SULF1: variants seen among roughly 807,000 people sequenced by gnomAD.
SULF1 encodes sulfatase 1.
Under a neutral mutation model 110.5 loss-of-function variants are expected in SULF1, and 46 were observed. The ratio of observed to expected loss-of-function variants is 0.42; its 90% confidence interval spans 0.33 to 0.53. SULF1 has a LOEUF of 0.53. SULF1 is among the 20% of genes least tolerant of loss of function. The probability of loss-of-function intolerance (pLI) is 0.12; values close to 1 mark genes in which losing one functional copy is unlikely to be tolerated. For missense variants in SULF1, 941 were observed against 1,094.2 expected (o/e 0.86, Z 1.98); for synonymous variants, 371 against 387.1 (o/e 0.96, Z 0.49).
At chr8:69,568,292 C>A (rs573887672) in intron 5 of SULF1, among the ~76,000 whole-genome samples, 1 of 152,240 alleles carries the variant, frequency 6.6e-6, no homozygotes, top group Admixed American at 6.5e-5. Context: ...TAAAACAATC[C>A]TATCTGTTTA....
intron 3 of SULF1, among the ~76,000 whole-genome samples, chr8:69,533,965 G>A (rs568746648): frequency 2.0e-5 from 3 of 152,298 alleles, no homozygotes; most frequent in African/African-American, 7.2e-5. Context: ...AATGTTCAGT[G>A]CTAAAGTCAA....
At chr8:69,491,505 G>A (rs886918804), upstream of SULF1, among the ~76,000 whole-genome samples, 3 of 152,206 alleles carry the variant, frequency 2.0e-5, no homozygotes, top group Non-Finnish European at 2.9e-5. Context: ...AACAACAGAT[G>A]CCAACATTCT....
At chr8:69,486,651 G>A (rs1469028328) in intron 1 of SULF1, among the ~76,000 whole-genome samples, 1 of 152,156 alleles carries the variant, frequency 6.6e-6, no homozygotes, top group Non-Finnish European at 1.5e-5. Flanking sequence ...GCAACACCGT[G>A]CCTATTAAGA....
chr8:69,483,099 T>C (rs751317729), intron 1 of SULF1, among the ~76,000 whole-genome samples: 1 of 151,844 alleles, frequency 6.6e-6, no homozygotes, highest in African/African-American at 2.4e-5. Context: ...GCAAATATTA[T>C]GTCATCATAT....
At chr8:69,481,253 A>T (rs1336683220) in intron 1 of SULF1, among the ~76,000 whole-genome samples, 1 of 152,146 alleles carries the variant, frequency 6.6e-6, no homozygotes, top group Admixed American at 6.5e-5. Context: ...TTAGATTTAT[A>T]AAAATATCAG....
intron 5 of SULF1, among the ~76,000 whole-genome samples, chr8:69,565,386 TTTAGAGCC>T (rs1815804344): frequency 1.3e-5 from 2 of 152,182 alleles, no homozygotes; most frequent in African/African-American, 4.8e-5. Context: ...TTTTAGCTTT[TTTAGAGCC>T]TTGTGGGTCC....
rs189672278 is a variant in SULF1, at chr8:69,659,340, C to T, written c.*805C>T. The T allele has an allele frequency of 1.5e-4, 54 of 368,298 alleles. No homozygotes were observed. The highest frequency in any genetic ancestry group is 1.1e-3 in the East Asian group (15 of 13,660). 22.8% of individuals were successfully genotyped at this position (368,298 alleles called of 1,614,324 possible). ...CTGATTAGATGAAACTGTTACCTTA[C>T]CCTAAACACAGTATTTCTTTTTAAC... On this transcript the variant is annotated 3_prime_UTR_variant, in exon 23 of 23. Coordinates refer to ENST00000402687, the MANE Select transcript of SULF1 (RefSeq NM_001128205.2).
chr8:69,651,855 G>T (rs1812368271), intron 22 of SULF1, among the ~76,000 whole-genome samples: 1 of 151,970 alleles, frequency 6.6e-6, no homozygotes, highest in South Asian at 2.1e-4. Context: ...AGATATATTA[G>T]TTTCTTATTA....
At chr8:69,551,850 G>C (rs945773966) in intron 3 of SULF1, among the ~76,000 whole-genome samples, 4 of 152,176 alleles carry the variant, frequency 2.6e-5, no homozygotes, top group Non-Finnish European at 4.4e-5. Flanking sequence ...CCAGCACTTT[G>C]AGAGGCCAAG....
chr8:69,604,573 T>G (rs1179651902), intron 12 of SULF1, among the ~76,000 whole-genome samples: 1 of 152,214 alleles, frequency 6.6e-6, no homozygotes, highest in Non-Finnish European at 1.5e-5. Context: ...TTAATGCTTT[T>G]GGGAAGAACG....
chr8:69,604,854 T>C lies in SULF1; in HGVS notation c.1299T>C (p.Asn433=). The C allele has an allele frequency of 6.2e-7, 1 of 1,614,120 alleles. No individual in the cohort carries two copies. The highest frequency in any genetic ancestry group is 8.5e-7 in the Non-Finnish European group (1 of 1,180,012). ...EESSKNIQQS[N]HLPKYERVKE... is the part of the protein sequence containing the mutation. ...CCAGCAAGAATATCCAACAGTCAAA[T>C]CACTTGCCCAAATATGAACGGGTCA... Residue 433 remains asparagine, a synonymous_variant, in exon 13 of 23, where the codon AAT becomes AAC. Coordinates refer to ENST00000402687, the MANE Select transcript of SULF1 (RefSeq NM_001128205.2).
At chr8:69,631,865 G>A (rs138940028) in intron 19 of SULF1, among the ~76,000 whole-genome samples, 43 of 152,322 alleles carry the variant, frequency 2.8e-4, no homozygotes, top group Admixed American at 7.2e-4. Flanking sequence ...CATTTGATAC[G>A]CTCTATCAGC....
At chr8:69,557,720 G>A (rs563290690) in intron 3 of SULF1, among the ~76,000 whole-genome samples, 1 of 152,282 alleles carries the variant, frequency 6.6e-6, no homozygotes, top group African/African-American at 2.4e-5. Context: ...CCATACACCA[G>A]GGATAACCAG....
At chr8:69,517,967 T>G (rs907152653) in intron 3 of SULF1, among the ~76,000 whole-genome samples, 1 of 152,244 alleles carries the variant, frequency 6.6e-6, no homozygotes, top group Non-Finnish European at 1.5e-5. Flanking sequence ...CATAGGCATA[T>G]GGTTTGTATA....
chr8:69,515,187 T>TGCAG (rs1811845349), intron 3 of SULF1, among the ~76,000 whole-genome samples: 1 of 152,178 alleles, frequency 6.6e-6, no homozygotes, highest in East Asian at 1.9e-4. Flanking sequence ...GCTCCACTCC[T>TGCAG]GCAGCAGACT....
chr8:69,497,779 T>A (rs1810470785), intron 2 of SULF1, among the ~76,000 whole-genome samples: 1 of 152,118 alleles, frequency 6.6e-6, no homozygotes, highest in Non-Finnish European at 1.5e-5. Flanking sequence ...GAGAGTTAAG[T>A]TCAATCATCT....
intron 21 of SULF1, among the ~76,000 whole-genome samples, chr8:69,639,199 T>C (rs777295249): frequency 1.2e-4 from 18 of 152,226 alleles, no homozygotes; most frequent in Admixed American, 2.6e-4. Flanking sequence ...TCTGAAGATA[T>C]ACTCTGAGTA....
chr8:69,555,732 C>T (rs1475097029), intron 3 of SULF1, among the ~76,000 whole-genome samples: 1 of 151,916 alleles, frequency 6.6e-6, no homozygotes, highest in African/African-American at 2.4e-5. Context: ...GTTCCTCTTC[C>T]TACATACGAC....
intron 13 of SULF1, among the ~76,000 whole-genome samples, chr8:69,617,021 A>G (rs1043580087): frequency 2.6e-5 from 4 of 152,156 alleles, no homozygotes; most frequent in Non-Finnish European, 4.4e-5. Context: ...ATCCAGGTAG[A>G]TGGATAAGCC....
Sources: allele counts gnomAD v4.1 joint callset (sites outside exome capture counted in the v4.1 genomes callset), GRCh38; gene constraint gnomAD v4.1.1; transcripts MANE v1.5; gene names NCBI Gene and HGNC (gene_info 2026-07-23, HGNC 2026-07-21).